The following NRXN1 variants were observed in gnomAD, a reference collection of about 807,000 sequenced individuals.
The protein encoded by NRXN1 is neurexin 1.
A neutral mutation model predicts 150.9 loss-of-function variants in NRXN1; 39 were observed. The observed-to-expected ratio is 0.26, with a 90% CI of 0.20 to 0.34. The LOEUF (loss-of-function observed/expected upper bound fraction) is 0.34. NRXN1 is among the 10% of genes least tolerant of loss of function. NRXN1 has a pLI of 1.00. For missense variants in NRXN1, 1,815 were observed against 1,949.9 expected, an observed-to-expected ratio of 0.93 and a Z score of 1.30; for synonymous variants, 924 against 757.0, an observed-to-expected ratio of 1.22 and a Z score of -3.62.
intron 17 of NRXN1, among the ~76,000 whole-genome samples, chr2:50,308,430 C>A (rs1305461946): frequency 2.0e-5 from 3 of 152,138 alleles, no homozygotes; most frequent in Non-Finnish European, 4.4e-5. Flanking sequence ...TGGGCTCAGG[C>A]AGTCTTCCTG....
Position 50,381,262 on chromosome 2 carries a change from T to C in NRXN1, c.3364+84180A>G, listed in dbSNP as rs568286396. Among the ~76,000 whole-genome samples, 13 of 152,080 alleles carry C rather than the reference T, an allele frequency of 8.5e-5. No homozygotes were observed. The East Asian group carries it at 2.3e-3, about 27-fold the overall frequency. On this transcript the variant is annotated intron_variant, in intron 17 of 22. Transcript: ENST00000401669. ...AATTGCCTTCTCTGTGTCAGTGAAA[T>C]GCTATTGTTAATTCATAAATGAAGT...
intron 2 of NRXN1, among the ~76,000 whole-genome samples, chr2:51,008,670 A>C (rs1476446653): frequency 6.6e-6 from 1 of 151,800 alleles, no homozygotes; most frequent in Non-Finnish European, 1.5e-5. Context: ...ATATACTCAA[A>C]GATACTAAAA....
At chr2:50,029,993 T>A (rs904119967) in intron 21 of NRXN1, among the ~76,000 whole-genome samples, 2 of 152,084 alleles carry the variant, frequency 1.3e-5, no homozygotes, top group African/African-American at 4.8e-5. Context: ...ATGCCAAAAA[T>A]GCTCAAAGAT....
intron 19 of NRXN1, among the ~76,000 whole-genome samples, chr2:50,076,999 C>G (rs1697215300): frequency 6.6e-6 from 1 of 152,166 alleles, no homozygotes; most frequent in South Asian, 2.1e-4. Flanking sequence ...TTGCATAATC[C>G]TACAAAGCAC....
At chr2:50,150,187 C>T (rs1322736670) in intron 18 of NRXN1, among the ~76,000 whole-genome samples, 4 of 151,752 alleles carry the variant, frequency 2.6e-5, no homozygotes, top group Non-Finnish European at 5.9e-5. Context: ...AATGAGCTGA[C>T]CTAGAGTTAA....
At chr2:50,065,760 T>C (rs1324594599) in intron 19 of NRXN1, among the ~76,000 whole-genome samples, 4 of 152,110 alleles carry the variant, frequency 2.6e-5, no homozygotes, top group Admixed American at 2.6e-4. Context: ...CTCTAACCTA[T>C]AAGAAAAGCC....
intron 5 of NRXN1, among the ~76,000 whole-genome samples, chr2:50,830,498 A>AG (rs1358095663): frequency 6.6e-6 from 1 of 151,268 alleles, no homozygotes; most frequent in Non-Finnish European, 1.5e-5. Context: ...AAAAAAAAAA[A>AG]GTTCAAAAAG....
At chr2:50,486,046 C>T (rs994611991) in intron 15 of NRXN1, among the ~76,000 whole-genome samples, 3 of 151,922 alleles carry the variant, frequency 2.0e-5, no homozygotes, top group Non-Finnish European at 4.4e-5. Context: ...ATATAATTAC[C>T]TTAACAGTGA....
rs190824886 is a variant in NRXN1 at position 50,876,897 on chromosome 2, C to G, written c.832+44972G>C. ...AGACAAATTTAAAACAAAAAATAAT[C>G]TGATTCTTTTATTGGCCAAAGGAAA... On this transcript the variant is annotated intron_variant, in intron 5 of 22. Coordinates refer to ENST00000401669, the MANE Select transcript of NRXN1 (RefSeq NM_001330078.2). 2.0e-3 allele frequency among the ~76,000 whole-genome samples: 299 copies of G among 151,916 alleles called. 2 individuals carry two copies. Among genetic ancestry groups the G allele is most frequent in the African/African-American group, 6.6e-3 (274 of 41,498 alleles).
intron 21 of NRXN1, among the ~76,000 whole-genome samples, chr2:50,006,762 T>C (rs1381703423): frequency 9.9e-5 from 15 of 152,164 alleles, no homozygotes; most frequent in Admixed American, 9.8e-4. Context: ...TTTACTACTA[T>C]TGCATACAAA....
chr2:49,955,517 C>T (rs2104495432), intron 21 of NRXN1, among the ~76,000 whole-genome samples: 1 of 152,076 alleles, frequency 6.6e-6, no homozygotes, highest in South Asian at 2.1e-4. Flanking sequence ...GGTCTTCCTG[C>T]TTTTATGAAG....
At chr2:50,866,156 T>C (rs2106066161) in intron 5 of NRXN1, among the ~76,000 whole-genome samples, 1 of 151,996 alleles carries the variant, frequency 6.6e-6, no homozygotes, top group Non-Finnish European at 1.5e-5. Context: ...TCCAAGAATA[T>C]AAAGATTTCT....
At chr2:50,424,342 G>GGAGGAGGAGGGGGAGGAGGAA (rs1558707285) in intron 17 of NRXN1, among the ~76,000 whole-genome samples, 3 of 148,802 alleles carry the variant, frequency 2.0e-5, no homozygotes, top group African/African-American at 7.5e-5. Context: ...GGGAGGAGGA[G>GGAGGAGGAGGGGGAGGAGGAA]GAGGAAATAA....
At chr2:50,759,760 C>T (rs62140591) in intron 5 of NRXN1, among the ~76,000 whole-genome samples, 15,183 of 151,082 alleles carry the variant, frequency 0.1, 839 homozygotes, top group Admixed American at 0.13. Context: ...CCACTGTGGC[C>T]AAGAATTTTG....
chr2:50,677,116 C>T (rs1689658274), intron 5 of NRXN1, among the ~76,000 whole-genome samples: 1 of 152,126 alleles, frequency 6.6e-6, no homozygotes, highest in Admixed American at 6.6e-5. Flanking sequence ...GCATATCCTT[C>T]AGTCTTTACT....
At chr2:50,583,696 T>G (rs375812925) in intron 8 of NRXN1, among the ~76,000 whole-genome samples, 2 of 152,316 alleles carry the variant, frequency 1.3e-5, no homozygotes, top group African/African-American at 4.8e-5. Flanking sequence ...GGATATTATA[T>G]TCAAGGTTCA....
chr2:50,712,178 A>AT (rs11429561), intron 5 of NRXN1, among the ~76,000 whole-genome samples: 12,657 of 152,152 alleles, frequency 0.083, 596 homozygotes, highest in Middle Eastern at 0.13. Flanking sequence ...TATTGATTAC[A>AT]TTTTACAGAT....
At chr2:50,000,582 A>G (rs936326374) in intron 21 of NRXN1, among the ~76,000 whole-genome samples, 1 of 152,186 alleles carries the variant, frequency 6.6e-6, no homozygotes, top group Non-Finnish European at 1.5e-5. Context: ...GATAGTCAAC[A>G]TAATTTACAC....
At position 50,556,390 on chromosome 2, in the gene NRXN1, A is replaced by G. The variant is rs529394095; in HGVS notation, c.1321-3365T>C. Reference sequence around the variant, plus strand: ...ATTCTTATGTCAAAAGTTGCAATTTACATGTTTCACTTTTGAACAAGTTTC... The same window carrying G: ...ATTCTTATGTCAAAAGTTGCAATTTGCATGTTTCACTTTTGAACAAGTTTC... On this transcript the variant is annotated intron_variant, in intron 8 of 22. Coordinates refer to ENST00000401669, the MANE Select transcript of NRXN1 (RefSeq NM_001330078.2). 8.5e-5 allele frequency among the ~76,000 whole-genome samples: 13 copies of G among 152,244 alleles called. No homozygotes were observed. In the South Asian group the frequency reaches 1.2e-3, roughly 15 times the overall value.
Sources: allele counts gnomAD v4.1 joint callset (sites outside exome capture counted in the v4.1 genomes callset), GRCh38; gene constraint gnomAD v4.1.1; transcripts MANE v1.5; gene names NCBI Gene and HGNC (gene_info 2026-07-23, HGNC 2026-07-21).